HABP2: variants seen among roughly 807,000 people sequenced by gnomAD.
HABP2 encodes the protein hyaluronan binding protein 2, also known as factor VII-activating protease.
A neutral mutation model predicts 66.5 loss-of-function variants in HABP2; 65 were observed. The observed-to-expected ratio is 0.98, with a 90% CI of 0.80 to 1.20. The LOEUF is 1.20. Among genes scored for constraint, HABP2 ranks in the 50% most tolerant of loss-of-function variants. The pLI is 0.00. For synonymous variants in HABP2, 263 were observed against 253.9 expected (o/e 1.04, Z -0.34); for missense variants, 786 against 691.0 (o/e 1.14, Z -1.54).
Position 113,585,844 on chromosome 10 carries a change from CTT to C in HABP2, c.1426_1427del (p.Leu476ValfsTer8). The stretch of plus-strand genomic sequence containing the variant: ...GCCAAAGTCAAGCTGATTGCCAACA[CTT>C]TGTGCAACTCCCGCCAACTCTATGA... On this transcript the variant is annotated frameshift_variant, in exon 12 of 13. Coordinates refer to ENST00000351270, the MANE Select transcript of HABP2 (RefSeq NM_004132.5). LOFTEE classifies it high-confidence loss of function. The C allele has an allele frequency of 6.2e-7, 1 of 1,613,164 alleles. No individual in the cohort carries two copies. Among genetic ancestry groups the C allele is most frequent in the Non-Finnish European group, 8.5e-7 (1 of 1,179,082 alleles).
chr10:113,577,188 C>T lies in HABP2; in HGVS notation c.370C>T (p.Gln124Ter), dbSNP rs373807724. 56 of 1,612,300 alleles carry T rather than the reference C, an allele frequency of 3.5e-5. No individual in the cohort carries two copies. Among genetic ancestry groups the T allele is most frequent in the African/African-American group, 1.9e-4 (14 of 74,874 alleles). The change falls in exon 5 of 13, where the codon CAA (glutamine) becomes TAA (stop). Residue 124 changes from glutamine to a stop codon, truncating the protein, a stop_gained. Coordinates refer to ENST00000351270, the MANE Select transcript of HABP2 (RefSeq NM_004132.5). LOFTEE classifies it high-confidence loss of function. The stretch of plus-strand genomic sequence containing the variant: ...CAAGGACAACCCATGTGGCCGGGGC[C>T]AATGTCTCATTACCCAGAGTCCTCC... ...TCKDNPCGRG[Q>*]CLITQSPPYY...
chr10:113,579,859 T>G (rs910231192), intron 7 of HABP2, among the ~76,000 whole-genome samples: 2 of 152,122 alleles, frequency 1.3e-5, no homozygotes, highest in Non-Finnish European at 2.9e-5. Context: ...CTCAGCTCAC[T>G]GCAACCTCTG....
intron 7 of HABP2, 123 bp downstream of exon 7, chr10:113,578,921 G>C: frequency 1.5e-6 from 1 of 682,576 alleles, no homozygotes; most frequent in South Asian, 1.8e-5. Flanking sequence ...TTATGCTGCT[G>C]TAGTAAACAA....
At chr10:113,555,619 C>T (rs1844977757) in intron 1 of HABP2, among the ~76,000 whole-genome samples, 1 of 152,158 alleles carries the variant, frequency 6.6e-6, no homozygotes, top group Non-Finnish European at 1.5e-5. Context: ...TCCACTAGCC[C>T]AAGAGATATG....
rs1344817851 is a variant in HABP2, at chr10:113,585,837, G to C, written c.1417G>C (p.Ala473Pro). The change falls in exon 12 of 13, where the codon GCC (alanine) becomes CCC (proline). Residue 473 changes from alanine (A) to proline (P), a missense_variant. By Grantham distance (27) the Ala-to-Pro change is conservative. Transcript: ENST00000351270. Reference protein sequence around the residue: ...QLLDAKVKLIANTLCNSRQLY... With the variant: ...QLLDAKVKLIPNTLCNSRQLY... The stretch of plus-strand genomic sequence containing the variant: ...CCTGGATGCCAAAGTCAAGCTGATT[G>C]CCAACACTTTGTGCAACTCCCGCCA... 3 of 1,613,288 alleles carry C rather than the reference G, an allele frequency of 1.9e-6. No homozygotes were observed. The highest frequency in any genetic ancestry group is 1.7e-5 in the Admixed American group (1 of 60,032).
chr10:113,558,688 G>T (rs961253330), intron 1 of HABP2, among the ~76,000 whole-genome samples: 3 of 152,228 alleles, frequency 2.0e-5, no homozygotes, highest in Non-Finnish European at 4.4e-5. Flanking sequence ...GCGCAGGAGT[G>T]AGCACAGCTT....
intron 1 of HABP2, among the ~76,000 whole-genome samples, chr10:113,560,913 G>A (rs1214953402): frequency 6.6e-6 from 1 of 152,204 alleles, no homozygotes; most frequent in Non-Finnish European, 1.5e-5. Context: ...CCATGCTGGG[G>A]ATGACGAAAA....
At chr10:113,563,874 A>C (rs1469000627) in intron 1 of HABP2, among the ~76,000 whole-genome samples, 1 of 152,178 alleles carries the variant, frequency 6.6e-6, no homozygotes, top group Admixed American at 6.5e-5. Flanking sequence ...AGGTCTAGAC[A>C]GACAGGCCCT....
At chr10:113,575,806 G>A in intron 3 of HABP2, 91 bp from the exon 4 acceptor site, 1 of 728,928 alleles carries the variant, frequency 1.4e-6, no homozygotes, top group Admixed American at 2.0e-5. Context: ...CTCATTTGGG[G>A]CAGGAGACTG....
At chr10:113,563,608 G>T (rs533556719) in intron 1 of HABP2, among the ~76,000 whole-genome samples, 5 of 151,822 alleles carry the variant, frequency 3.3e-5, no homozygotes, top group Non-Finnish European at 5.9e-5. Context: ...GTTTCCCTCC[G>T]AGCGCCAGCT....
chr10:113,567,300 T>C (rs940799509), intron 1 of HABP2, among the ~76,000 whole-genome samples, 189 bp from the exon 2 acceptor site: 3 of 152,122 alleles, frequency 2.0e-5, no homozygotes, highest in African/African-American at 7.2e-5. Flanking sequence ...GCACAGGTGG[T>C]GGTGGTGGAG....
chr10:113,586,184 C>T (rs1329627586), intron 12 of HABP2, among the ~76,000 whole-genome samples: 1 of 152,232 alleles, frequency 6.6e-6, no homozygotes, highest in Non-Finnish European at 1.5e-5. Context: ...ACTCTCACAA[C>T]ACACTGGTGA....
At chr10:113,577,637 G>T (rs1459154150) in intron 5 of HABP2, among the ~76,000 whole-genome samples, 1 of 152,210 alleles carries the variant, frequency 6.6e-6, no homozygotes, top group African/African-American at 2.4e-5. Context: ...TCAAGGAGGA[G>T]CTTTACAGAT....
intron 1 of HABP2, 124 bp downstream of exon 1, chr10:113,553,314 C>T: frequency 2.7e-6 from 2 of 734,264 alleles, no homozygotes; most frequent in Admixed American, 4.1e-5. Context: ...TGGAGATGTT[C>T]TAACTACAAG....
intron 2 of HABP2, among the ~76,000 whole-genome samples, chr10:113,570,756 G>A (rs1198763675): frequency 6.6e-6 from 1 of 152,228 alleles, no homozygotes; most frequent in African/African-American, 2.4e-5. Flanking sequence ...AAAGCTGCAT[G>A]CAGGCCAATC....
chr10:113,564,395 A>G (rs539494944), intron 1 of HABP2, among the ~76,000 whole-genome samples: 1 of 152,096 alleles, frequency 6.6e-6, no homozygotes, highest in Non-Finnish European at 1.5e-5. Context: ...AGAGGTACCC[A>G]TTTCTGGCAA....
chr10:113,567,139 G>A (rs1294073130), intron 1 of HABP2, among the ~76,000 whole-genome samples: 1 of 152,150 alleles, frequency 6.6e-6, no homozygotes, highest in Non-Finnish European at 1.5e-5. Flanking sequence ...ATGAAATGCA[G>A]CAATGTGTGA....
At chr10:113,555,123 G>C (rs983683120) in intron 1 of HABP2, among the ~76,000 whole-genome samples, 1 of 152,206 alleles carries the variant, frequency 6.6e-6, no homozygotes, top group East Asian at 1.9e-4. Flanking sequence ...ATAACTAACT[G>C]CTACCATTTA....
chr10:113,552,810 G>C (rs1170862917), upstream of HABP2, among the ~76,000 whole-genome samples: 3 of 152,142 alleles, frequency 2.0e-5, no homozygotes, highest in African/African-American at 7.2e-5. Flanking sequence ...CAGGCTTCCT[G>C]CTCGGAACAC....
Sources: allele counts gnomAD v4.1 joint callset (sites outside exome capture counted in the v4.1 genomes callset), GRCh38; gene constraint gnomAD v4.1.1; transcripts MANE v1.5; gene names NCBI Gene and HGNC (gene_info 2026-07-23, HGNC 2026-07-21).